The following TTBK1 variants were observed in gnomAD, a reference collection of about 807,000 sequenced individuals.
TTBK1 encodes the protein tau tubulin kinase 1.
In TTBK1, 34 loss-of-function variants were observed where a neutral mutation model predicts 108.5. The ratio of observed to expected loss-of-function variants is 0.31; its 90% CI spans 0.24 to 0.42. TTBK1 has a LOEUF of 0.42. Among genes scored for constraint, TTBK1 ranks in the 10% least tolerant of loss-of-function variants. The pLI is 1.00. For synonymous variants in TTBK1, 809 were observed against 795.1 expected (o/e 1.02, Z -0.29); for missense variants, 1,539 against 1,826.0 (o/e 0.84, Z 2.86).
At position 43,283,639 on chromosome 6, in the gene TTBK1, G is replaced by C; in HGVS notation, c.2899G>C (p.Asp967His). Reference protein sequence around the residue: ...GGELGLELASDGGAVEEGARA... With the variant: ...GGELGLELASHGGAVEEGARA... ...CGAGCTGGGTCTGGAGCTGGCCTCT[G>C]ATGGGGGCGCTGTGGAGGAGGGGGC... The change falls in exon 14 of 15, where the codon GAT becomes CAT. Residue 967 changes from aspartate (D) to histidine (H), a missense_variant. Physicochemically the swap from Asp to His is moderately conservative, Grantham distance 81 (BLOSUM62 -1). Coordinates refer to ENST00000259750, the MANE Select transcript of TTBK1 (RefSeq NM_032538.3). The surrounding 1 kb of genome is among the most constrained non-coding windows in gnomAD (Gnocchi z 8.1). The C allele has an allele frequency of 1.2e-6, 2 of 1,614,102 alleles. No homozygotes were observed. The highest frequency in any genetic ancestry group is 1.7e-6 in the Non-Finnish European group (2 of 1,179,994).
In TTBK1 at chr6:43,263,257, GC is replaced by G; in HGVS notation, c.1899del (p.Thr634ArgfsTer39). On this transcript the variant is annotated frameshift_variant, in exon 13 of 15. Coordinates refer to ENST00000259750, the MANE Select transcript of TTBK1 (RefSeq NM_032538.3). LOFTEE classifies it high-confidence loss of function. This position sits in a 1 kb window ranked among gnomAD's most constrained non-coding sequence, Gnocchi z 4.7. ...QGDGRSETSQ[P>X]PTPGSPSHSP... ...GCGATGGCCGTTCCGAGACGTCACA[GC>G]CCCCCACGCCTGGCAGCCCTTCCCA... is the stretch of plus-strand genomic sequence containing the variant. 1.3e-6 allele frequency: 2 copies of G among 1,544,406 alleles called. No individual in the cohort carries two copies. The highest frequency in any genetic ancestry group is 8.7e-7 in the Non-Finnish European group (1 of 1,143,366).
chr6:43,268,430 T>G (rs898524979), intron 13 of TTBK1, among the ~76,000 whole-genome samples: 2 of 152,198 alleles, frequency 1.3e-5, no homozygotes, highest in African/African-American at 4.8e-5. Flanking sequence ...TCTTCCCTAC[T>G]CTGCTGGAGG....
Position 43,263,260 on chromosome 6 carries a change from C to T in TTBK1, c.1896C>T (p.Pro632=). The change falls in exon 13 of 15, where the codon CCC becomes CCT. Residue 632 remains proline, a synonymous_variant. Coordinates refer to ENST00000259750, the MANE Select transcript of TTBK1 (RefSeq NM_032538.3). This position sits in a 1 kb window ranked among gnomAD's most constrained non-coding sequence, Gnocchi z 4.7. ...QGDGRSETSQ[P]PTPGSPSHSP... ...ATGGCCGTTCCGAGACGTCACAGCC[C>T]CCCACGCCTGGCAGCCCTTCCCACT... 1.3e-6 allele frequency: 2 copies of T among 1,544,166 alleles called. No homozygotes were observed. The highest frequency in any genetic ancestry group is 2.4e-5 in the East Asian group (1 of 41,742).
intron 13 of TTBK1, among the ~76,000 whole-genome samples, chr6:43,280,218 G>A (rs1191178061): frequency 1.3e-5 from 2 of 152,068 alleles, no homozygotes; most frequent in African/African-American, 4.8e-5. Flanking sequence ...CCTCAGCCTT[G>A]GAGGTCTCTG....
intron 2 of TTBK1, chr6:43,248,191 G>A (rs1277440487): frequency 6.6e-6 from 1 of 152,274 alleles, no homozygotes. Context: ...GAAGATGAGT[G>A]GGGAGCGAAA....
chr6:43,284,046 G>A lies in TTBK1; in HGVS notation c.3306G>A (p.Leu1102=). ...TGGAGAAGAGGCAGGGCCGCCTGCT[G>A]TTGCGGCTGGCCTCAGGGGCCTCGT... The part of the protein sequence containing the change: ...LVMEKRQGRL[L]LRLASGASSS... Residue 1102 remains leucine, a synonymous_variant, in exon 14 of 15, where the codon CTG becomes CTA. Coordinates refer to ENST00000259750, the MANE Select transcript of TTBK1 (RefSeq NM_032538.3). 1 of 1,547,240 alleles carries A rather than the reference G, an allele frequency of 6.5e-7. No individual in the cohort carries two copies. The highest frequency in any genetic ancestry group is 8.7e-7 in the Non-Finnish European group (1 of 1,144,886).
chr6:43,247,250 C>G (rs1777117061), intron 2 of TTBK1, among the ~76,000 whole-genome samples: 1 of 152,198 alleles, frequency 6.6e-6, no homozygotes, highest in Non-Finnish European at 1.5e-5. Context: ...CAGCCTCCTC[C>G]CCTCGCCGGG....
chr6:43,259,425 G>C lies in TTBK1; in HGVS notation c.1249-106G>C. On this transcript the variant is annotated intron_variant, in intron 11 of 14. Coordinates refer to ENST00000259750, the MANE Select transcript of TTBK1 (RefSeq NM_032538.3). This position sits in a 1 kb window ranked among gnomAD's most constrained non-coding sequence, Gnocchi z 6.7. The stretch of plus-strand genomic sequence containing the variant: ...CCCGGTCCCTCCCCGCACTAGCCTC[G>C]CTGTGTCTTCCATCATCATCATCCT... 7.3e-7 allele frequency: 1 copy of C among 1,368,530 alleles called. No homozygotes were observed. Among genetic ancestry groups the C allele is most frequent in the Non-Finnish European group, 9.8e-7 (1 of 1,016,734 alleles). 84.8% of individuals were successfully genotyped at this position (1,368,530 alleles called of 1,614,324 possible). A position where few individuals can be genotyped will look rare whatever the true frequency, so the allele number is the denominator to read the frequency against.
At chr6:43,250,348 CTTTTTTTT>C (rs555371314) in intron 2 of TTBK1, among the ~76,000 whole-genome samples, 8 of 89,106 alleles carry the variant, frequency 9.0e-5, no homozygotes, top group Non-Finnish European at 1.1e-4. Flanking sequence ...CCTGGCTTTG[CTTTTTTTT>C]TTTTTTTTTT....
Position 43,269,512 on chromosome 6 carries a change from C to T in TTBK1, c.1986+6162C>T. On this transcript the variant is annotated intron_variant, in intron 13 of 14. Coordinates refer to ENST00000259750, the MANE Select transcript of TTBK1 (RefSeq NM_032538.3). This position sits in a 1 kb window ranked among gnomAD's most constrained non-coding sequence, Gnocchi z 4.8. ...CGGGTGGTTTGCACCCTCCTCCACCCTGCCTGACCCCGCCCACTTGCCCGG... is the reference window on the plus strand; with the variant it reads ...CGGGTGGTTTGCACCCTCCTCCACCTTGCCTGACCCCGCCCACTTGCCCGG... 9.1e-7 allele frequency: 1 copy of T among 1,093,970 alleles called. No homozygotes were observed. The highest frequency in any genetic ancestry group is 1.3e-6 in the Non-Finnish European group (1 of 797,546). 67.8% of individuals were successfully genotyped at this position (1,093,970 alleles called of 1,614,324 possible). A position where few individuals can be genotyped will look rare whatever the true frequency, so the allele number is the denominator to read the frequency against.
At position 43,263,250 on chromosome 6, in the gene TTBK1, C is replaced by G; in HGVS notation, c.1886C>G (p.Thr629Arg). The change falls in exon 13 of 15, where the codon ACG becomes AGG. Residue 629 changes from threonine (T) to arginine (R), a missense_variant. Thr to Arg is a moderately conservative substitution (Grantham distance 71). Around this residue, in one of 5 missense-constraint regions of TTBK1, gnomAD observed 1,055 missense variants for 1,086.5 expected, o/e 0.97. Transcript: ENST00000259750. The surrounding 1 kb of genome is among the most constrained non-coding windows in gnomAD (Gnocchi z 4.7). ...AGCCAGGGCGATGGCCGTTCCGAGA[C>G]GTCACAGCCCCCCACGCCTGGCAGC... is the stretch of plus-strand genomic sequence containing the variant. ...QLSQGDGRSE[T>R]SQPPTPGSPS... 6.4e-7 allele frequency: 1 copy of G among 1,554,920 alleles called. No individual in the cohort carries two copies. The highest frequency in any genetic ancestry group is 8.7e-7 in the Non-Finnish European group (1 of 1,148,912).
At chr6:43,281,403 T>C (rs1158777699) in intron 13 of TTBK1, among the ~76,000 whole-genome samples, 1 of 148,920 alleles carries the variant, frequency 6.7e-6, no homozygotes, top group Non-Finnish European at 1.5e-5. Flanking sequence ...AGATCTGAAC[T>C]GTCTCCTAAG....
At chr6:43,252,084 G>A (rs922254967) in intron 2 of TTBK1, among the ~76,000 whole-genome samples, 1 of 152,070 alleles carries the variant, frequency 6.6e-6, no homozygotes, top group Non-Finnish European at 1.5e-5. Context: ...GAGAAGAAAA[G>A]GTCAAGGGCG....
chr6:43,285,174 C>T lies in TTBK1; in HGVS notation c.3764C>T (p.Ser1255Phe). Reference protein sequence around the residue: ...ASASPRSQSLSRRESPSPSHQ... With the variant: ...ASASPRSQSLFRRESPSPSHQ... Reference sequence around the variant, plus strand: ...GCGTCCCCCCGGAGCCAGTCCCTGTCCCGCAGAGAGAGCCCCTCCCCCTCG... The same window carrying T: ...GCGTCCCCCCGGAGCCAGTCCCTGTTCCGCAGAGAGAGCCCCTCCCCCTCG... Residue 1255 changes from serine (S) to phenylalanine (F), a missense_variant, in exon 15 of 15, where the codon TCC (serine) becomes TTC (phenylalanine). By Grantham distance (155) the Ser-to-Phe change is radical (BLOSUM62 -2). Coordinates refer to ENST00000259750, the MANE Select transcript of TTBK1 (RefSeq NM_032538.3). This position sits in a 1 kb window ranked among gnomAD's most constrained non-coding sequence, Gnocchi z 4.7. 1 of 1,385,984 alleles carries T rather than the reference C, an allele frequency of 7.2e-7. No homozygotes were observed. Among genetic ancestry groups the T allele is most frequent in the South Asian group, 1.7e-5 (1 of 58,962 alleles). The allele number at this position is 1,385,984 out of a possible 1,614,324, so 85.9% of individuals were successfully genotyped here.
intron 13 of TTBK1, chr6:43,272,427 T>C (rs558101345): frequency 2.0e-6 from 2 of 985,420 alleles, no homozygotes; most frequent in Non-Finnish European, 2.4e-6. Context: ...CCTTTGGAAG[T>C]GGGAGATCCA....
intron 14 of TTBK1, 79 bp from the exon 15 acceptor site, chr6:43,284,904 C>G: frequency 2.1e-6 from 3 of 1,443,236 alleles, no homozygotes; most frequent in Non-Finnish European, 1.8e-6. Flanking sequence ...GTGCTCAGTG[C>G]CCAGGAGGAT....
chr6:43,244,320 T>A (rs943798070), intron 1 of TTBK1, among the ~76,000 whole-genome samples: 1 of 152,068 alleles, frequency 6.6e-6, no homozygotes, highest in African/African-American at 2.4e-5. Context: ...CACACACACC[T>A]GCTGACACCT....
intron 2 of TTBK1, among the ~76,000 whole-genome samples, chr6:43,251,042 T>A (rs897092618): frequency 1.3e-5 from 2 of 152,198 alleles, no homozygotes; most frequent in Admixed American, 6.5e-5. Context: ...TCTTCCTCCT[T>A]CCTCTTTCCC....
intron 14 of TTBK1, 118 bp downstream of exon 14, chr6:43,284,430 C>T (rs930944554): frequency 2.4e-5 from 24 of 983,574 alleles, no homozygotes; most frequent in African/African-American, 1.4e-4. Flanking sequence ...CCCTCAGTGA[C>T]ACCTCCTGTC....
Sources: allele counts gnomAD v4.1 joint callset (sites outside exome capture counted in the v4.1 genomes callset), GRCh38; gene constraint gnomAD v4.1.1; regional missense constraint gnomAD v4.1.1; non-coding constraint Gnocchi (gnomAD v3.1); transcripts MANE v1.5; gene names NCBI Gene and HGNC (gene_info 2026-07-23, HGNC 2026-07-21).